Variants in SSBP2 observed in about 807,000 individuals in gnomAD.
SSBP2 encodes the protein single stranded DNA binding protein 2.
In SSBP2, 17 loss-of-function variants were observed where a neutral mutation model predicts 61.8. The observed-to-expected ratio is 0.28, with a 90% CI of 0.19 to 0.41. The LOEUF (loss-of-function observed/expected upper bound fraction) is 0.41, where lower values mean the gene tolerates loss of function less well. SSBP2 is among the 10% of genes least tolerant of loss of function. SSBP2 has a pLI of 1.00. For synonymous variants in SSBP2, 139 were observed against 141.3 expected, an observed-to-expected ratio of 0.98 and a Z score of 0.12; for missense variants, 310 against 458.7, an observed-to-expected ratio of 0.68 and a Z score of 2.96.
chr5:81,603,151 G>A (rs1744541327), intron 4 of SSBP2, among the ~76,000 whole-genome samples: 1 of 152,132 alleles, frequency 6.6e-6, no homozygotes, highest in Non-Finnish European at 1.5e-5. Flanking sequence ...TAGGACTCTG[G>A]ACAATGAATG....
intron 1 of SSBP2, among the ~76,000 whole-genome samples, chr5:81,703,646 T>G (rs1288146385): frequency 6.6e-6 from 1 of 152,222 alleles, no homozygotes; most frequent in African/African-American, 2.4e-5. Context: ...ATTCCTCTAC[T>G]GAGTTTAAAT....
At chr5:81,463,330 T>C (rs1248285324) in intron 9 of SSBP2, among the ~76,000 whole-genome samples, 1 of 152,210 alleles carries the variant, frequency 6.6e-6, no homozygotes, top group African/African-American at 2.4e-5. Context: ...ATTTACAAAT[T>C]ATAACATAGG....
intron 4 of SSBP2, among the ~76,000 whole-genome samples, chr5:81,611,565 TATC>T (rs1309996655): frequency 6.6e-6 from 1 of 152,122 alleles, no homozygotes; most frequent in Non-Finnish European, 1.5e-5. Flanking sequence ...TTTGAAAGAA[TATC>T]ATGTTTTTTA....
At chr5:81,655,421 T>TA (rs1394588549) in intron 1 of SSBP2, among the ~76,000 whole-genome samples, 5 of 152,096 alleles carry the variant, frequency 3.3e-5, no homozygotes, top group Admixed American at 2.0e-4. Context: ...CAGTCGTTTT[T>TA]AAAAAACATT....
intron 5 of SSBP2, among the ~76,000 whole-genome samples, chr5:81,508,115 G>C (rs1768321006): frequency 6.6e-6 from 1 of 152,128 alleles, no homozygotes; most frequent in South Asian, 2.1e-4. Flanking sequence ...GAATAAGACA[G>C]AGATATAAAA....
intron 4 of SSBP2, among the ~76,000 whole-genome samples, chr5:81,549,044 ATATAGT>A (rs1281526688): frequency 1.3e-5 from 2 of 152,202 alleles, no homozygotes; most frequent in Admixed American, 6.5e-5. Flanking sequence ...AATAAGCAAG[ATATAGT>A]TATAGTTTTT....
chr5:81,728,062 A>G (rs1756010081), intron 1 of SSBP2, among the ~76,000 whole-genome samples: 1 of 152,196 alleles, frequency 6.6e-6, no homozygotes, highest in Admixed American at 6.5e-5. Flanking sequence ...GATCAGGAAT[A>G]AAAGGGAAAA....
intron 1 of SSBP2, among the ~76,000 whole-genome samples, chr5:81,697,072 AAT>A (rs1437563286): frequency 1.3e-5 from 2 of 152,228 alleles, no homozygotes; most frequent in Non-Finnish European, 2.9e-5. Context: ...TCCTTCAAGC[AAT>A]ATGAGATGAG....
intron 5 of SSBP2, among the ~76,000 whole-genome samples, chr5:81,499,919 G>A (rs968620772): frequency 6.6e-6 from 1 of 152,110 alleles, no homozygotes; most frequent in Admixed American, 6.5e-5. Context: ...AAAAAGCATA[G>A]CGTTTTGTTC....
intron 1 of SSBP2, among the ~76,000 whole-genome samples, chr5:81,701,244 G>A (rs1424484960): frequency 6.6e-6 from 1 of 152,150 alleles, no homozygotes; most frequent in Non-Finnish European, 1.5e-5. Context: ...GCTGTTTGGT[G>A]GAGCAGTGAG....
rs139177140 is a variant in SSBP2 at position 81,470,569 on chromosome 5, A to G, written c.570+3131T>C. Reference sequence around the variant, plus strand: ...ATAATCTAAGAATAATTAGATTTACATATTTCTTTGTTTTAGGAATTCAGT... The same window carrying G: ...ATAATCTAAGAATAATTAGATTTACGTATTTCTTTGTTTTAGGAATTCAGT... On this transcript the variant is annotated intron_variant, in intron 8 of 16. Transcript: ENST00000320672. 2.4e-4 allele frequency among the ~76,000 whole-genome samples: 36 copies of G among 152,042 alleles called. No homozygotes were observed. The East Asian group carries it at 4.4e-3, about 19-fold the overall frequency.
chr5:81,591,435 C>A (rs1000202315), intron 4 of SSBP2, among the ~76,000 whole-genome samples: 5 of 152,098 alleles, frequency 3.3e-5, no homozygotes, highest in African/African-American at 1.2e-4. Context: ...ACACTGTCAA[C>A]AGACAAACAA....
intron 2 of SSBP2, among the ~76,000 whole-genome samples, chr5:81,641,336 T>A (rs982264181): frequency 7.2e-5 from 11 of 152,216 alleles, no homozygotes; most frequent in Admixed American, 3.9e-4. Context: ...TTACATCATA[T>A]TATTCCTCAG....
intron 4 of SSBP2, among the ~76,000 whole-genome samples, chr5:81,604,095 G>C (rs1317500051): frequency 2.0e-5 from 3 of 152,010 alleles, no homozygotes; most frequent in African/African-American, 4.8e-5. Context: ...AAAAGAAAAT[G>C]TTATAAAGAA....
intron 14 of SSBP2, among the ~76,000 whole-genome samples, chr5:81,439,923 G>T (rs1044501354): frequency 6.6e-6 from 1 of 151,296 alleles, no homozygotes; most frequent in Admixed American, 6.6e-5. Flanking sequence ...TGCCTGCCTC[G>T]GCCTCCCAAA....
intron 4 of SSBP2, among the ~76,000 whole-genome samples, chr5:81,594,099 C>T (rs1270752152): frequency 1.3e-5 from 2 of 152,136 alleles, no homozygotes; most frequent in African/African-American, 4.8e-5. Flanking sequence ...GGAAACCCAT[C>T]TCACGTGAAG....
At chr5:81,509,798 C>A (rs1768457640) in intron 5 of SSBP2, among the ~76,000 whole-genome samples, 1 of 152,146 alleles carries the variant, frequency 6.6e-6, no homozygotes, top group African/African-American at 2.4e-5. Context: ...GATAAAGACA[C>A]TAAACTTATC....
At chr5:81,656,570 C>T (rs914099580) in intron 1 of SSBP2, among the ~76,000 whole-genome samples, 1 of 151,632 alleles carries the variant, frequency 6.6e-6, no homozygotes, top group Non-Finnish European at 1.5e-5. Flanking sequence ...TAACATATAG[C>T]CTTATGTCAA....
At position 81,420,425 on chromosome 5, in the gene SSBP2, G is replaced by T; in HGVS notation, c.*79C>A. 1.5e-6 allele frequency: 2 copies of T among 1,356,238 alleles called. No individual in the cohort carries two copies. Among genetic ancestry groups the T allele is most frequent in the Non-Finnish European group, 2.1e-6 (2 of 946,164 alleles). The allele number at this position is 1,356,238 out of a possible 1,614,324, so 84.0% of individuals were successfully genotyped here. On this transcript the variant is annotated 3_prime_UTR_variant, in exon 17 of 17. Transcript: ENST00000320672. ...AGATTCCTTTGTTTAACTGTACACT[G>T]TGATGAATAATTTTCTTCCGTAGTA...
Sources: allele counts gnomAD v4.1 joint callset (sites outside exome capture counted in the v4.1 genomes callset), GRCh38; gene constraint gnomAD v4.1.1; transcripts MANE v1.5; gene names NCBI Gene and HGNC (gene_info 2026-07-23, HGNC 2026-07-21).